CDKAL1: variants seen among roughly 807,000 people sequenced by gnomAD.
CDKAL1 encodes the protein CDKAL1 threonylcarbamoyladenosine tRNA methylthiotransferase.
CDKAL1 carries 32 observed loss-of-function variants against 68.2 expected under a neutral mutation model. The observed-to-expected ratio is 0.47, with a 90% CI of 0.35 to 0.63. The LOEUF is 0.63. Among genes scored for constraint, CDKAL1 ranks in the 30% least tolerant of loss-of-function variants. The pLI, the probability that CDKAL1 is intolerant of heterozygous loss-of-function variation, is 0.00. For synonymous variants in CDKAL1, 234 were observed against 244.3 expected, an observed-to-expected ratio of 0.96 and a Z score of 0.39; for missense variants, 606 against 696.7, an observed-to-expected ratio of 0.87 and a Z score of 1.47.
intron 9 of CDKAL1, among the ~76,000 whole-genome samples, chr6:20,939,911 A>C (rs1172300955): frequency 6.6e-6 from 1 of 152,214 alleles, no homozygotes; most frequent in Admixed American, 6.5e-5. Context: ...TTCATTTATA[A>C]CTTATAAATA....
intron 6 of CDKAL1, among the ~76,000 whole-genome samples, chr6:20,753,806 A>G (rs1287825412): frequency 1.3e-5 from 2 of 152,190 alleles, no homozygotes; most frequent in East Asian, 1.9e-4. Context: ...TAGGATTGAC[A>G]TTACTAAATT....
chr6:20,653,403 G>T (rs180963014), intron 5 of CDKAL1, among the ~76,000 whole-genome samples: 63 of 152,236 alleles, frequency 4.1e-4, no homozygotes, highest in African/African-American at 1.3e-3. Context: ...TTAAGTTTTT[G>T]CAAGTCTGTT....
chr6:20,872,112 C>CA (rs1760252257), intron 9 of CDKAL1, among the ~76,000 whole-genome samples: 1 of 151,916 alleles, frequency 6.6e-6, no homozygotes, highest in Admixed American at 6.6e-5. Context: ...AGTAGCCACA[C>CA]AAAAAATATC....
chr6:20,610,320 G>A (rs1458796511), intron 4 of CDKAL1, among the ~76,000 whole-genome samples: 1 of 152,124 alleles, frequency 6.6e-6, no homozygotes, highest in Non-Finnish European at 1.5e-5. Flanking sequence ...GGGTTGAATG[G>A]TATTTCTGTC....
chr6:20,670,319 A>G (rs540179137), intron 5 of CDKAL1, among the ~76,000 whole-genome samples: 3 of 152,300 alleles, frequency 2.0e-5, no homozygotes, highest in South Asian at 4.1e-4. Flanking sequence ...TACCACTTGT[A>G]TTCCATTGTG....
intron 10 of CDKAL1, among the ~76,000 whole-genome samples, chr6:20,961,746 A>G (rs1347604707): frequency 1.3e-5 from 2 of 151,512 alleles, no homozygotes; most frequent in African/African-American, 2.4e-5. Context: ...CAGCCTGGGC[A>G]AAAGAGCAAG....
intron 13 of CDKAL1, among the ~76,000 whole-genome samples, chr6:21,167,690 C>T (rs979229235): frequency 1.4e-4 from 22 of 152,290 alleles, no homozygotes; most frequent in Admixed American, 1.0e-3. Flanking sequence ...TGACCAAAAT[C>T]TTAACTGTAT....
rs1250770016 is a variant in CDKAL1, at chr6:20,934,804, C to T, written c.743-20615C>T. ...AAAGCTCTGCAGTGAACTATGATCA[C>T]GCCACTGTACTCCAGCCTGTGCAAG... On this transcript the variant is annotated intron_variant, in intron 9 of 15. Transcript: ENST00000274695. Among the ~76,000 whole-genome samples the T allele has an allele frequency of 5.3e-5, 8 of 152,034 alleles. No homozygotes were observed. In the East Asian group the frequency reaches 1.2e-3, roughly 22 times the overall value.
chr6:21,057,647 C>G (rs898453192), intron 11 of CDKAL1, among the ~76,000 whole-genome samples: 8 of 149,562 alleles, frequency 5.3e-5, no homozygotes, highest in African/African-American at 2.0e-4. Flanking sequence ...GCTTTTTGAT[C>G]TGGGCATTTA....
At chr6:20,937,754 G>A (rs767813229) in intron 9 of CDKAL1, among the ~76,000 whole-genome samples, 6 of 152,100 alleles carry the variant, frequency 3.9e-5, no homozygotes, top group African/African-American at 1.2e-4. Flanking sequence ...TGATTGATAC[G>A]CACTTTTCAG....
intron 4 of CDKAL1, among the ~76,000 whole-genome samples, chr6:20,642,706 G>A (rs1029811466): frequency 6.6e-6 from 1 of 152,106 alleles, no homozygotes; most frequent in African/African-American, 2.4e-5. Context: ...GAATTTTACA[G>A]TATGTAATGG....
At chr6:21,175,185 T>C (rs957673004) in intron 13 of CDKAL1, among the ~76,000 whole-genome samples, 3 of 152,192 alleles carry the variant, frequency 2.0e-5, no homozygotes, top group African/African-American at 7.2e-5. Context: ...CTCCAAGATA[T>C]GGCAGAGCTG....
intron 12 of CDKAL1, among the ~76,000 whole-genome samples, chr6:21,107,431 T>G (rs1346700816): frequency 6.6e-6 from 1 of 151,940 alleles, no homozygotes; most frequent in Non-Finnish European, 1.5e-5. Flanking sequence ...TTTCTTTTGT[T>G]TTGTTTTGTT....
At chr6:21,001,217 T>C (rs761567032) in intron 11 of CDKAL1, among the ~76,000 whole-genome samples, 3 of 152,242 alleles carry the variant, frequency 2.0e-5, no homozygotes, top group Non-Finnish European at 4.4e-5. Context: ...TTGTTTTTCT[T>C]AATTAAGATA....
At chr6:21,104,150 T>G (rs1773726855) in intron 12 of CDKAL1, among the ~76,000 whole-genome samples, 1 of 152,216 alleles carries the variant, frequency 6.6e-6, no homozygotes, top group Admixed American at 6.5e-5. Context: ...CAGACGGCTC[T>G]GAAAGCCCCA....
chr6:20,802,246 C>T (rs901376525), intron 8 of CDKAL1, among the ~76,000 whole-genome samples: 4 of 151,354 alleles, frequency 2.6e-5, no homozygotes, highest in Admixed American at 6.6e-5. Flanking sequence ...TCCAGTGAGC[C>T]GAGATTGCGC....
At chr6:20,545,863 A>G (rs758787791) in intron 2 of CDKAL1, among the ~76,000 whole-genome samples, 5 of 152,252 alleles carry the variant, frequency 3.3e-5, no homozygotes, top group Non-Finnish European at 5.9e-5. Context: ...ATTTTTGAAT[A>G]TAAGGACAAT....
At chr6:21,108,567 C>T in intron 13 of CDKAL1, 104 bp downstream of exon 13, 1 of 662,496 alleles carries the variant, frequency 1.5e-6, no homozygotes, top group Non-Finnish European at 2.5e-6. Flanking sequence ...TTACCAATTA[C>T]ATTTATATTT....
intron 9 of CDKAL1, among the ~76,000 whole-genome samples, chr6:20,927,999 T>C (rs1561891077): frequency 6.6e-6 from 1 of 152,184 alleles, no homozygotes; most frequent in Non-Finnish European, 1.5e-5. Context: ...CAGCTTGCAT[T>C]TGATGCAAAA....
Sources: allele counts gnomAD v4.1 joint callset (sites outside exome capture counted in the v4.1 genomes callset), GRCh38; gene constraint gnomAD v4.1.1; transcripts MANE v1.5; gene names NCBI Gene and HGNC (gene_info 2026-07-23, HGNC 2026-07-21).